Variants in SH3PXD2A observed in about 807,000 individuals in gnomAD.
SH3PXD2A encodes SH3 and PX domains 2A.
A neutral mutation model predicts 115.2 loss-of-function variants in SH3PXD2A; 32 were observed. The ratio of observed to expected loss-of-function variants is 0.28; its 90% confidence interval spans 0.21 to 0.37. The LOEUF is 0.37. Among genes scored for constraint, SH3PXD2A ranks in the 10% least tolerant of loss-of-function variants. The pLI is 1.00. For synonymous variants in SH3PXD2A, 610 were observed against 629.1 expected (o/e 0.97, Z 0.45); for missense variants, 1,328 against 1,498.7 (o/e 0.89, Z 1.88).
At chr10:103,701,683 C>A (rs539890266) in intron 5 of SH3PXD2A, among the ~76,000 whole-genome samples, 1 of 148,556 alleles carries the variant, frequency 6.7e-6, no homozygotes. Context: ...ATCCATCCAT[C>A]CATCATTCAT....
intron 3 of SH3PXD2A, among the ~76,000 whole-genome samples, chr10:103,751,392 A>G (rs1055899925): frequency 2.0e-5 from 3 of 152,188 alleles, no homozygotes; most frequent in African/African-American, 7.2e-5. Flanking sequence ...AGCATTTTAC[A>G]AATATTAACT....
chr10:103,852,680 A>G (rs992197682), intron 1 of SH3PXD2A, among the ~76,000 whole-genome samples: 1 of 152,152 alleles, frequency 6.6e-6, no homozygotes, highest in Non-Finnish European at 1.5e-5. Flanking sequence ...CAGGAGAGGA[A>G]GAGGCTGCAG....
At chr10:103,722,102 G>A (rs989366456) in intron 5 of SH3PXD2A, among the ~76,000 whole-genome samples, 25 of 151,660 alleles carry the variant, frequency 1.6e-4, no homozygotes, top group African/African-American at 6.1e-4. Context: ...TCAGGAGTTC[G>A]AGACCAACCT....
chr10:103,789,221 G>A (rs1215692214), intron 2 of SH3PXD2A, among the ~76,000 whole-genome samples: 1 of 152,176 alleles, frequency 6.6e-6, no homozygotes, highest in African/African-American at 2.4e-5. Flanking sequence ...TCAGGCCCCA[G>A]ATCGAAGCTG....
intron 8 of SH3PXD2A, among the ~76,000 whole-genome samples, chr10:103,630,977 G>T (rs1255670645): frequency 6.6e-6 from 1 of 152,072 alleles, no homozygotes; most frequent in Admixed American, 6.5e-5. Context: ...AACTGCAGAT[G>T]GTACCAAGCC....
intron 5 of SH3PXD2A, among the ~76,000 whole-genome samples, chr10:103,710,358 G>C (rs1419883170): frequency 6.6e-6 from 1 of 152,180 alleles, no homozygotes; most frequent in African/African-American, 2.4e-5. Context: ...CTGGGTGACA[G>C]AGTGAGACCC....
At chr10:103,644,901 T>C (rs1397183436) in intron 8 of SH3PXD2A, among the ~76,000 whole-genome samples, 1 of 152,078 alleles carries the variant, frequency 6.6e-6, no homozygotes, top group East Asian at 1.9e-4. Context: ...AGTGGCAGAG[T>C]AGGATTCGAA....
intron 1 of SH3PXD2A, among the ~76,000 whole-genome samples, chr10:103,841,681 C>CA (rs1235287742): frequency 6.6e-6 from 1 of 152,170 alleles, no homozygotes; most frequent in Non-Finnish European, 1.5e-5. Flanking sequence ...ACTCAGGCCA[C>CA]ACCAGCCACC....
In SH3PXD2A at chr10:103,660,933, C is replaced by A. The variant is rs774399973; in HGVS notation, c.604+50G>T. ...GGGAGGAACAAAAACCAGCTCGGCC[C>A]GGGGGCCAGACCGGAACCCCAGTGG... On this transcript the variant is annotated intron_variant, in intron 8 of 14. Transcript: ENST00000369774. The A allele has an allele frequency of 1.9e-6, 3 of 1,605,070 alleles. No individual in the cohort carries two copies. The African/African-American group carries it at 4.0e-5, about 21-fold the overall frequency.
In SH3PXD2A at chr10:103,639,848, C is replaced by CGATGGAAGAT. The variant is rs1442907829; in HGVS notation, c.605-12656_605-12647dup. On this transcript the variant is annotated intron_variant, in intron 8 of 14. Coordinates refer to ENST00000369774, the MANE Select transcript of SH3PXD2A (RefSeq NM_001394015.1). ...GAGAGACCTGCTGTCAAAGGCAAGA[C>CGATGGAAGAT]GATGGAAGATGATGGAAGAGTGGCA... Among the ~76,000 whole-genome samples the CGATGGAAGAT allele has an allele frequency of 2.6e-5, 4 of 152,006 alleles. No individual in the cohort carries two copies. In the East Asian group the frequency reaches 7.8e-4, roughly 29 times the overall value.
At chr10:103,619,497 G>T (rs562908082) in intron 10 of SH3PXD2A, among the ~76,000 whole-genome samples, 2 of 152,356 alleles carry the variant, frequency 1.3e-5, no homozygotes, top group South Asian at 4.1e-4. Flanking sequence ...GGTTGCATTT[G>T]CAGGGAAAAA....
chr10:103,785,802 C>A (rs567541305), intron 2 of SH3PXD2A, among the ~76,000 whole-genome samples: 1 of 151,812 alleles, frequency 6.6e-6, no homozygotes, highest in Non-Finnish European at 1.5e-5. Context: ...TTCCACCTGC[C>A]CTTCTCCCAG....
intron 9 of SH3PXD2A, among the ~76,000 whole-genome samples, chr10:103,623,991 C>T (rs1282264533): frequency 6.6e-6 from 1 of 152,240 alleles, no homozygotes; most frequent in African/African-American, 2.4e-5. Context: ...GATCATCTCA[C>T]TTGGGCCTCA....
chr10:103,782,487 C>T (rs1445679727), intron 2 of SH3PXD2A, among the ~76,000 whole-genome samples: 2 of 152,208 alleles, frequency 1.3e-5, no homozygotes, highest in African/African-American at 4.8e-5. Context: ...AGGAGGACAG[C>T]AGGCCTCTCT....
chr10:103,800,105 C>T lies in SH3PXD2A; in HGVS notation c.153+1177G>A, dbSNP rs201355084. Among the ~76,000 whole-genome samples, 12 of 152,236 alleles carry T rather than the reference C, an allele frequency of 7.9e-5. No individual in the cohort carries two copies. The East Asian group carries it at 2.1e-3, about 27-fold the overall frequency. ...TGGCTGTGAGGGTAGAAGTGAGTGT[C>T]TCTTTGTGTTTTTATTGGCCTAAAC... On this transcript the variant is annotated intron_variant, in intron 2 of 14. Transcript: ENST00000369774.
At chr10:103,606,485 CTCTCCCTCTCCCCACGG>C (rs1297550260) in intron 13 of SH3PXD2A, among the ~76,000 whole-genome samples, 1 of 146,110 alleles carries the variant, frequency 6.8e-6, no homozygotes, top group Non-Finnish European at 1.5e-5. Context: ...CTCCCCTTCC[CTCTCCCTCTCCCCACGG>C]TCTCCCTCTC....
intron 1 of SH3PXD2A, among the ~76,000 whole-genome samples, chr10:103,805,748 G>A (rs1177983296): frequency 6.6e-6 from 1 of 152,076 alleles, no homozygotes; most frequent in Non-Finnish European, 1.5e-5. Flanking sequence ...AAAGGGCAGG[G>A]CGCAGTGGCT....
At chr10:103,699,035 G>A (rs574924808) in intron 5 of SH3PXD2A, among the ~76,000 whole-genome samples, 53 of 152,286 alleles carry the variant, frequency 3.5e-4, no homozygotes, top group African/African-American at 1.2e-3. Context: ...AAATCCAGAA[G>A]TTTGCAGAAT....
intron 8 of SH3PXD2A, among the ~76,000 whole-genome samples, chr10:103,629,728 C>T (rs3781352): frequency 0.15 from 22,868 of 152,262 alleles, 2,003 homozygotes; most frequent in East Asian, 0.28. Flanking sequence ...TCACTGTCTA[C>T]TTCCCTTGAC....
Sources: gnomAD v4.1 joint callset for allele counts (sites outside exome capture counted in the v4.1 genomes callset) on GRCh38, gnomAD v4.1.1 for gene constraint, MANE v1.5 for transcripts, NCBI Gene and HGNC (gene_info 2026-07-23, HGNC 2026-07-21) for gene names.